The following ARHGAP15 variants were observed in gnomAD, a reference collection of about 807,000 sequenced individuals.
ARHGAP15 encodes the protein Rho GTPase activating protein 15, also known as rho GTPase-activating protein 15.
A neutral mutation model predicts 63.7 loss-of-function variants in ARHGAP15; 51 were observed. The ratio of observed to expected loss-of-function variants is 0.80; its 90% CI spans 0.64 to 1.01. The LOEUF (loss-of-function observed/expected upper bound fraction) is 1.01. Among genes scored for constraint, ARHGAP15 ranks in the 50% least tolerant of loss-of-function variants. The pLI is 0.00. For synonymous variants in ARHGAP15, 191 were observed against 193.8 expected (o/e 0.99, Z 0.12); for missense variants, 560 against 564.6 (o/e 0.99, Z 0.08).
At chr2:143,712,093 T>C (rs1393409076) in intron 13 of ARHGAP15, among the ~76,000 whole-genome samples, 2 of 152,278 alleles carry the variant, frequency 1.3e-5, no homozygotes, top group South Asian at 2.1e-4. Context: ...AACAGTAGAA[T>C]GCTGGTATAG....
intron 12 of ARHGAP15, among the ~76,000 whole-genome samples, chr2:143,627,238 CAGAAT>C (rs1172880126): frequency 6.6e-6 from 1 of 152,132 alleles, no homozygotes; most frequent in East Asian, 1.9e-4. Flanking sequence ...CAACTCAAAA[CAGAAT>C]AGTAGAATGT....
chr2:143,152,056 G>A (rs1374931318), intron 1 of ARHGAP15, among the ~76,000 whole-genome samples: 2 of 151,818 alleles, frequency 1.3e-5, no homozygotes, highest in Non-Finnish European at 2.9e-5. Context: ...TGTACATCCA[G>A]GACAACACAC....
chr2:143,755,047 A>G (rs891213194), intron 13 of ARHGAP15, among the ~76,000 whole-genome samples: 1 of 152,108 alleles, frequency 6.6e-6, no homozygotes, highest in African/African-American at 2.4e-5. Flanking sequence ...ATTATCTACT[A>G]TCTCATCTTA....
chr2:143,363,943 G>T (rs188092898), intron 6 of ARHGAP15, among the ~76,000 whole-genome samples: 6 of 152,240 alleles, frequency 3.9e-5, no homozygotes, highest in Admixed American at 3.9e-4. Flanking sequence ...CTTATTTGAG[G>T]ATTACTACTA....
At position 143,633,944 on chromosome 2, in the gene ARHGAP15, G is replaced by A. The variant is rs150396195; in HGVS notation, c.1138+9677G>A. On this transcript the variant is annotated intron_variant, in intron 12 of 13. Transcript: ENST00000295095. ...CAACTCTGACTCAGGCCATCTCTAGGAGAATGGTCTCTCCTATTTCCCATA... is the reference window on the plus strand; with the variant it reads ...CAACTCTGACTCAGGCCATCTCTAGAAGAATGGTCTCTCCTATTTCCCATA... Among the ~76,000 whole-genome samples, 204 of 152,170 alleles carry A rather than the reference G, an allele frequency of 1.3e-3. 2 individuals are homozygous for A. The highest frequency in any genetic ancestry group is 6.3e-4 in the Non-Finnish European group (43 of 68,012).
chr2:143,411,204 A>G (rs76325655), intron 6 of ARHGAP15, among the ~76,000 whole-genome samples: 14,363 of 149,902 alleles, frequency 0.096, 907 homozygotes, highest in Middle Eastern at 0.16. Flanking sequence ...GACTATCTCA[A>G]AAAAACAAAA....
At chr2:143,140,055 A>G (rs1689299762) in intron 1 of ARHGAP15, among the ~76,000 whole-genome samples, 1 of 152,162 alleles carries the variant, frequency 6.6e-6, no homozygotes, top group South Asian at 2.1e-4. Context: ...AGCAGTAGTA[A>G]TTGTTTTATC....
chr2:143,343,695 ATAAC>A lies in ARHGAP15; in HGVS notation c.475-91904_475-91901del, dbSNP rs534679966. The stretch of plus-strand genomic sequence containing the variant: ...AAATATTGACAGATTGAGAAAATAA[ATAAC>A]TGAGTGATGGAGCAGCTCTAGTGAG... On this transcript the variant is annotated intron_variant, in intron 6 of 13. Transcript: ENST00000295095. 3.3e-4 allele frequency among the ~76,000 whole-genome samples: 50 copies of A among 152,202 alleles called. 1 individual carries two copies. The highest frequency in any genetic ancestry group is 2.2e-3 in the Admixed American group (34 of 15,254).
At chr2:143,750,428 C>T (rs560875690) in intron 13 of ARHGAP15, among the ~76,000 whole-genome samples, 16 of 152,158 alleles carry the variant, frequency 1.1e-4, no homozygotes, top group African/African-American at 3.9e-4. Flanking sequence ...GCAGCAAAAA[C>T]GTAAATCAGT....
chr2:143,278,221 G>C (rs1027090654), intron 6 of ARHGAP15, among the ~76,000 whole-genome samples: 22 of 152,094 alleles, frequency 1.4e-4, no homozygotes, highest in African/African-American at 5.1e-4. Context: ...GTTGCCTATT[G>C]CCGGTCCAGA....
intron 10 of ARHGAP15, among the ~76,000 whole-genome samples, chr2:143,528,314 C>A (rs1404140446): frequency 2.6e-5 from 4 of 152,068 alleles, no homozygotes; most frequent in African/African-American, 9.7e-5. Flanking sequence ...TTAATTCAGA[C>A]TTGGAATGCC....
chr2:143,727,366 G>A (rs1433052278), intron 13 of ARHGAP15, among the ~76,000 whole-genome samples: 1 of 152,126 alleles, frequency 6.6e-6, no homozygotes, highest in Non-Finnish European at 1.5e-5. Context: ...CCTGATGGCC[G>A]CTTTACCTTA....
intron 3 of ARHGAP15, among the ~76,000 whole-genome samples, chr2:143,213,416 G>A (rs995494125): frequency 2.6e-5 from 4 of 152,154 alleles, no homozygotes; most frequent in Non-Finnish European, 5.9e-5. Context: ...GGGAGGCTGA[G>A]GCAGGAGAAT....
intron 6 of ARHGAP15, chr2:143,295,666 C>T (rs926622258): frequency 2.0e-5 from 3 of 151,952 alleles, no homozygotes; most frequent in African/African-American, 7.2e-5. Context: ...TAGATAAAGA[C>T]ACGGTGTTTG....
At chr2:143,405,410 A>G (rs1442708236) in intron 6 of ARHGAP15, among the ~76,000 whole-genome samples, 1 of 151,654 alleles carries the variant, frequency 6.6e-6, no homozygotes, top group Non-Finnish European at 1.5e-5. Flanking sequence ...ATCCTTGTAC[A>G]TTTTAGTACT....
At chr2:143,321,185 G>A (rs1182106297) in intron 6 of ARHGAP15, among the ~76,000 whole-genome samples, 1 of 152,136 alleles carries the variant, frequency 6.6e-6, no homozygotes, top group Non-Finnish European at 1.5e-5. Flanking sequence ...AGAGGAAAAA[G>A]GCCTCAGAGA....
chr2:143,740,229 T>G (rs758528967), intron 13 of ARHGAP15, among the ~76,000 whole-genome samples: 11 of 152,360 alleles, frequency 7.2e-5, no homozygotes, highest in Non-Finnish European at 1.2e-4. Context: ...TTATATCTCT[T>G]ATTAGCTTAG....
Position 143,197,527 on chromosome 2 carries a change from G to A in ARHGAP15, c.166-4607G>A, listed in dbSNP as rs1009464360. On this transcript the variant is annotated intron_variant, in intron 2 of 13. Coordinates refer to ENST00000295095, the MANE Select transcript of ARHGAP15 (RefSeq NM_018460.4). ...TTATTATTTCAATTAAGTATATTAT[G>A]TAAAAACAACCTGAAATATTCTAAT... is the stretch of plus-strand genomic sequence containing the variant. 2.6e-5 allele frequency among the ~76,000 whole-genome samples: 4 copies of A among 151,818 alleles called. No individual in the cohort carries two copies. The South Asian group carries it at 8.3e-4, about 31-fold the overall frequency.
chr2:143,763,282 C>A (rs1686829130), intron 13 of ARHGAP15, among the ~76,000 whole-genome samples: 1 of 152,030 alleles, frequency 6.6e-6, no homozygotes, highest in Non-Finnish European at 1.5e-5. Flanking sequence ...CCTAAATCAA[C>A]CACTTAACTA....
Sources: gnomAD v4.1 joint callset for allele counts (sites outside exome capture counted in the v4.1 genomes callset) on GRCh38, gnomAD v4.1.1 for gene constraint, MANE v1.5 for transcripts, NCBI Gene and HGNC (gene_info 2026-07-23, HGNC 2026-07-21) for gene names.